The following TOP1 variants were observed in gnomAD, a reference collection of about 807,000 sequenced individuals.
The protein encoded by TOP1 is DNA topoisomerase I.
A neutral mutation model predicts 111.1 loss-of-function variants in TOP1; 10 were observed. The observed-to-expected ratio is 0.09, with a 90% CI of 0.06 to 0.15. The LOEUF is 0.15. Ranked by LOEUF, TOP1 falls within the 10% of genes least tolerant of loss-of-function variation. TOP1 has a pLI of 1.00. For synonymous variants in TOP1, 271 were observed against 302.9 expected, an observed-to-expected ratio of 0.89 and a Z score of 1.10; for missense variants, 474 against 926.7, an observed-to-expected ratio of 0.51 and a Z score of 6.34.
intron 11 of TOP1, among the ~76,000 whole-genome samples, 173 bp from the exon 12 acceptor site, chr20:41,099,883 T>C (rs1301541150): frequency 6.6e-6 from 1 of 152,222 alleles, no homozygotes; most frequent in Non-Finnish European, 1.5e-5. Flanking sequence ...TTGGGGAATT[T>C]TATGATATTT....
rs1324258922 is a variant in TOP1 at position 41,100,379 on chromosome 20, G to A, written c.1163+136G>A. 1.6e-6 allele frequency: 1 copy of A among 643,748 alleles called. No individual in the cohort carries two copies. The highest frequency in any genetic ancestry group is 1.8e-5 in the African/African-American group (1 of 55,036). 39.9% of individuals were successfully genotyped at this position (643,748 alleles called of 1,614,324 possible). A position where few individuals can be genotyped will look rare whatever the true frequency, so the allele number is the denominator to read the frequency against. The stretch of plus-strand genomic sequence containing the variant: ...AGAGCAGGACAGTATTTCATGCGTA[G>A]GTCTCCAGATGTTTTTGAGGTACAG... On this transcript the variant is annotated intron_variant, in intron 12 of 20. Transcript: ENST00000361337. The surrounding 1 kb of genome is among the most constrained non-coding windows in gnomAD (Gnocchi z 4.4).
Position 41,062,609 on chromosome 20 carries a change from A to G in TOP1, c.155+1119A>G, listed in dbSNP as rs115184719. ...GTTAATATCTACCGTACAGCAAAGA[A>G]TATTGCCAAGGATAAAGAAGTTCAT... On this transcript the variant is annotated intron_variant, in intron 3 of 20. Transcript: ENST00000361337. 1.1e-3 allele frequency among the ~76,000 whole-genome samples: 160 copies of G among 152,350 alleles called. 1 individual carries two copies. The highest frequency in any genetic ancestry group is 3.5e-3 in the African/African-American group (145 of 41,596).
chr20:41,029,376 C>T lies in TOP1; in HGVS notation c.34-55C>T. 1 of 1,427,650 alleles carries T rather than the reference C, an allele frequency of 7.0e-7. No homozygotes were observed. Among genetic ancestry groups the T allele is most frequent in the Non-Finnish European group, 9.2e-7 (1 of 1,084,614 alleles). 88.4% of individuals were successfully genotyped at this position (1,427,650 alleles called of 1,614,324 possible). On this transcript the variant is annotated intron_variant, in intron 1 of 20. Coordinates refer to ENST00000361337, the MANE Select transcript of TOP1 (RefSeq NM_003286.4). The surrounding 1 kb of genome is among the most constrained non-coding windows in gnomAD (Gnocchi z 6.1). ...CCAGACCCCGGCCGCGCGCGCTCGC[C>T]GCCGGAGGGGTTAAAGTGGCTGTTG...
rs935097194 is a variant in TOP1, at chr20:41,095,035, A to AT, written c.731-2177dup. Among the ~76,000 whole-genome samples the AT allele has an allele frequency of 3.3e-5, 5 of 151,914 alleles. No homozygotes were observed. The highest frequency in any genetic ancestry group is 1.9e-4 in the East Asian group (1 of 5,194). ...ATTCAGTAAAACAGCCCAAAATCTC[A>AT]TTTTTTTTAAATTTATTTTTATATT... On this transcript the variant is annotated intron_variant, in intron 9 of 20. Transcript: ENST00000361337. This position sits in a 1 kb window ranked among gnomAD's most constrained non-coding sequence, Gnocchi z 4.6.
chr20:41,086,162 T>C (rs7270832), intron 8 of TOP1, among the ~76,000 whole-genome samples: 25,891 of 151,600 alleles, frequency 0.17, 2,498 homozygotes, highest in Middle Eastern at 0.29. Flanking sequence ...ACTTGGGAAG[T>C]TGAGGCAGGA....
chr20:41,038,640 G>C (rs748958048), intron 2 of TOP1, among the ~76,000 whole-genome samples: 1 of 152,110 alleles, frequency 6.6e-6, no homozygotes, highest in African/African-American at 2.4e-5. Flanking sequence ...CAGTGACAAG[G>C]CTTGCTGCAT....
chr20:41,089,415 A>ATT lies in TOP1; in HGVS notation c.615-3055_615-3054dup, dbSNP rs773565113. Among the ~76,000 whole-genome samples the ATT allele has an allele frequency of 2.2e-3, 340 of 152,274 alleles. 3 individuals carry two copies. The highest frequency in any genetic ancestry group is 3.1e-3 in the Non-Finnish European group (214 of 68,008). ...TACCTTGTATTAATAGTCATACAGT[A>ATT]TTTGTCCTTTGTGACTGACTCATTT... On this transcript the variant is annotated intron_variant, in intron 8 of 20. Coordinates refer to ENST00000361337, the MANE Select transcript of TOP1 (RefSeq NM_003286.4).
chr20:41,044,208 G>C (rs376484228), intron 2 of TOP1, among the ~76,000 whole-genome samples: 1 of 152,114 alleles, frequency 6.6e-6, no homozygotes, highest in Admixed American at 6.5e-5. Context: ...CCCTGGAGGC[G>C]GAGGTTGCAG....
At chr20:41,104,221 T>G (rs1490821007) in intron 13 of TOP1, among the ~76,000 whole-genome samples, 3 of 152,174 alleles carry the variant, frequency 2.0e-5, no homozygotes, top group African/African-American at 7.2e-5. Context: ...GCCACCAACC[T>G]GGGATTTAAA....
rs747783231 is a variant in TOP1, at chr20:41,112,747, C to G, written c.1309-35C>G. 1 of 1,611,762 alleles carries G rather than the reference C, an allele frequency of 6.2e-7. No individual in the cohort carries two copies. The highest frequency in any genetic ancestry group is 8.5e-7 in the Non-Finnish European group (1 of 1,178,574). ...AAAGTCTGTCTTTACTACACTGTCC[C>G]AAAGTAATCTACATTTGGGTTTGGG... On this transcript the variant is annotated intron_variant, in intron 13 of 20. Coordinates refer to ENST00000361337, the MANE Select transcript of TOP1 (RefSeq NM_003286.4). This position sits in a 1 kb window ranked among gnomAD's most constrained non-coding sequence, Gnocchi z 5.8.
At chr20:41,040,803 CAA>C (rs58729802) in intron 2 of TOP1, among the ~76,000 whole-genome samples, 65 of 80,528 alleles carry the variant, frequency 8.1e-4, no homozygotes, top group East Asian at 3.1e-3. Context: ...GGCATCGTCT[CAA>C]AAAAAAAAAA....
chr20:41,058,687 C>T lies in TOP1; in HGVS notation c.59-2707C>T, dbSNP rs1245518003. 6.6e-6 allele frequency among the ~76,000 whole-genome samples: 1 copy of T among 152,078 alleles called. No individual in the cohort carries two copies. Among genetic ancestry groups the T allele is most frequent in the Non-Finnish European group, 1.5e-5 (1 of 68,002 alleles). ...TTTGTTAGGAGTGAGTCACAGTGTC[C>T]AGCCCACACTCAAGGGGAGGGGAAT... is the stretch of plus-strand genomic sequence containing the variant. On this transcript the variant is annotated intron_variant, in intron 2 of 20. Transcript: ENST00000361337. This position sits in a 1 kb window ranked among gnomAD's most constrained non-coding sequence, Gnocchi z 4.2.
Position 41,097,346 on chromosome 20 carries a change from T to C in TOP1, c.852+5T>C. 6.2e-7 allele frequency: 1 copy of C among 1,611,986 alleles called. No homozygotes were observed. Among genetic ancestry groups the C allele is most frequent in the Non-Finnish European group, 8.5e-7 (1 of 1,179,100 alleles). ...TTCTTTAAAGACTGGAGAAAGGTAC[T>C]GTAGCCCATGTGTTAATATCCTAGT... On this transcript the variant is annotated splice_donor_5th_base_variant and intron_variant, in intron 10 of 20. Transcript: ENST00000361337. This position sits in a 1 kb window ranked among gnomAD's most constrained non-coding sequence, Gnocchi z 4.2.
chr20:41,089,770 G>T (rs2033896758), intron 8 of TOP1, among the ~76,000 whole-genome samples: 1 of 151,724 alleles, frequency 6.6e-6, no homozygotes, highest in South Asian at 2.1e-4. Context: ...ACCACACGAG[G>T]GTGCTAGCTT....
At chr20:41,056,404 A>T (rs1351444574) in intron 2 of TOP1, among the ~76,000 whole-genome samples, 3 of 152,212 alleles carry the variant, frequency 2.0e-5, no homozygotes, top group Non-Finnish European at 4.4e-5. Context: ...AATACAATAT[A>T]ATAGTCATTA....
rs2145970348 is a variant in TOP1 at position 41,118,208 on chromosome 20, G to A, written c.1862G>A (p.Arg621His). 6.2e-7 allele frequency: 1 copy of A among 1,614,068 alleles called. No individual in the cohort carries two copies. The highest frequency in any genetic ancestry group is 8.5e-7 in the Non-Finnish European group (1 of 1,179,978). Residue 621 changes from arginine (R) to histidine (H), a missense_variant, in exon 18 of 21, where the codon CGT becomes CAT. Physicochemically the swap from Arg to His is conservative, Grantham distance 29 (BLOSUM62 0). Transcript: ENST00000361337. This position sits in a 1 kb window ranked among gnomAD's most constrained non-coding sequence, Gnocchi z 4.6. ...NIPAKILSYNRANRAVAILCN... is the reference protein window; with the variant it reads ...NIPAKILSYNHANRAVAILCN... ...CCAGCGAAGATCCTTTCTTATAACC[G>A]TGCCAATCGAGCTGTTGCAATTCTT...
At chr20:41,038,369 C>G (rs2033215708) in intron 2 of TOP1, among the ~76,000 whole-genome samples, 1 of 152,128 alleles carries the variant, frequency 6.6e-6, no homozygotes, top group Non-Finnish European at 1.5e-5. Context: ...AAAGGTGAAG[C>G]TTAGAACAGA....
intron 3 of TOP1, among the ~76,000 whole-genome samples, chr20:41,066,556 TC>T (rs1288007348): frequency 7.2e-6 from 1 of 139,586 alleles, no homozygotes; most frequent in Non-Finnish European, 1.5e-5. Context: ...TCTTTTCTTT[TC>T]TTTTTTTTTT....
At chr20:41,107,544 A>G (rs1207566989) in intron 13 of TOP1, among the ~76,000 whole-genome samples, 1 of 152,102 alleles carries the variant, frequency 6.6e-6, no homozygotes, top group Non-Finnish European at 1.5e-5. Context: ...TTGTTTTCAA[A>G]ATTTCTAATT....
Sources: gnomAD v4.1 joint callset for allele counts (sites outside exome capture counted in the v4.1 genomes callset) on GRCh38, gnomAD v4.1.1 for gene constraint, Gnocchi (gnomAD v3.1) non-coding constraint, MANE v1.5 for transcripts, NCBI Gene and HGNC (gene_info 2026-07-23, HGNC 2026-07-21) for gene names.